Variants in CELF2 observed in about 807,000 individuals in gnomAD.
CELF2 encodes CUGBP Elav-like family member 2, also known as CUG triplet repeat RNA-binding protein 2.
In CELF2, 8 loss-of-function variants were observed where a neutral mutation model predicts 62.6. That is an observed-to-expected ratio of 0.13 (90% CI 0.07 to 0.23). CELF2 has a LOEUF of 0.23. Among genes scored for constraint, CELF2 ranks in the 10% least tolerant of loss-of-function variants. The pLI, the probability that CELF2 is intolerant of heterozygous loss-of-function variation, is 1.00. For missense variants in CELF2, 333 were observed against 671.0 expected, an observed-to-expected ratio of 0.50 and a Z score of 5.56; for synonymous variants, 258 against 250.0, an observed-to-expected ratio of 1.03 and a Z score of -0.30.
chr10:11,075,591 G>C lies in CELF2; in HGVS notation c.74+57428G>C, dbSNP rs1311026873. On this transcript the variant is annotated intron_variant, in intron 1 of 12. Coordinates refer to ENST00000633077, the MANE Select transcript of CELF2 (RefSeq NM_001326342.2). This position sits in a 1 kb window ranked among gnomAD's most constrained non-coding sequence, Gnocchi z 5.4. The stretch of plus-strand genomic sequence containing the variant: ...TGTAAATTAAGTGGATTATTGCTGT[G>C]AACATACGTATGGACTTAAATGTCC... Among the ~76,000 whole-genome samples the C allele has an allele frequency of 6.6e-6, 1 of 152,144 alleles. No individual in the cohort carries two copies. Among genetic ancestry groups the C allele is most frequent in the African/African-American group, 2.4e-5 (1 of 41,424 alleles).
At chr10:10,927,896 ATTG>A (rs1032592642) in intron 2 of CELF2, among the ~76,000 whole-genome samples, 2 of 152,148 alleles carry the variant, frequency 1.3e-5, no homozygotes, top group Admixed American at 1.3e-4. Flanking sequence ...CCATCAAAAT[ATTG>A]TTTTTTTCAT....
chr10:10,570,735 G>A, the CELF2 span, among the ~76,000 whole-genome samples: 1 of 152,032 alleles, frequency 6.6e-6, no homozygotes, highest in South Asian at 2.1e-4. Flanking sequence ...AAATTTACCT[G>A]GAACATTGAT....
At chr10:10,822,740 G>A (rs964390650) in intron 1 of CELF2, among the ~76,000 whole-genome samples, 5 of 152,224 alleles carry the variant, frequency 3.3e-5, no homozygotes, top group Non-Finnish European at 7.3e-5. Flanking sequence ...GAGGAAGGGG[G>A]AGAAGGAGAG....
the CELF2 span, among the ~76,000 whole-genome samples, chr10:10,736,078 A>G: frequency 6.6e-6 from 1 of 152,200 alleles, no homozygotes; most frequent in Non-Finnish European, 1.5e-5. Flanking sequence ...TTTATTGAGT[A>G]CCCAGTCTAG....
At chr10:10,622,574 G>A in the CELF2 span, among the ~76,000 whole-genome samples, 3 of 152,080 alleles carry the variant, frequency 2.0e-5, no homozygotes, top group Non-Finnish European at 4.4e-5. Context: ...AGGATTGCTT[G>A]AGCCCAGGAG....
chr10:11,142,577 G>T (rs765062852), intron 1 of CELF2, among the ~76,000 whole-genome samples: 2 of 151,714 alleles, frequency 1.3e-5, no homozygotes, highest in South Asian at 4.2e-4. Context: ...CCAGCTACTC[G>T]GGAGGCTGAG....
At chr10:11,294,772 G>A (rs989284602) in intron 9 of CELF2, among the ~76,000 whole-genome samples, 2 of 152,218 alleles carry the variant, frequency 1.3e-5, no homozygotes, top group Non-Finnish European at 1.5e-5. Context: ...TTAGCCAGGC[G>A]CAGTGGCAGG....
intron 1 of CELF2, among the ~76,000 whole-genome samples, chr10:11,042,846 A>G (rs1044145852): frequency 6.6e-6 from 1 of 152,128 alleles, no homozygotes; most frequent in East Asian, 1.9e-4. Context: ...TTGGAGATTT[A>G]TCCATGTTAC....
intron 1 of CELF2, among the ~76,000 whole-genome samples, chr10:11,022,118 C>T (rs1284700829): frequency 6.6e-6 from 1 of 152,132 alleles, no homozygotes; most frequent in Non-Finnish European, 1.5e-5. Flanking sequence ...CATTTATCAC[C>T]TGATACTCTG....
chr10:10,836,818 A>G (rs1489154140), intron 1 of CELF2, among the ~76,000 whole-genome samples: 3 of 151,870 alleles, frequency 2.0e-5, no homozygotes, highest in Non-Finnish European at 4.4e-5. Context: ...TGTATTTTTA[A>G]TAGAGATGGG....
intron 1 of CELF2, among the ~76,000 whole-genome samples, chr10:10,867,204 G>A (rs1385605902): frequency 6.6e-6 from 1 of 152,156 alleles, no homozygotes; most frequent in Non-Finnish European, 1.5e-5. Context: ...CTACCAACAT[G>A]ATGTCACTGA....
intron 1 of CELF2, among the ~76,000 whole-genome samples, chr10:11,090,406 G>T (rs533643291): frequency 1.3e-5 from 2 of 151,992 alleles, no homozygotes; most frequent in Non-Finnish European, 2.9e-5. Context: ...TGGATATGCT[G>T]CTTTTATGTA....
chr10:11,102,819 T>C (rs1025832648), intron 1 of CELF2, among the ~76,000 whole-genome samples: 7 of 152,158 alleles, frequency 4.6e-5, no homozygotes, highest in Non-Finnish European at 2.9e-5. Context: ...CCTCACTCCT[T>C]TTTCTCTCTC....
At chr10:11,228,382 A>T (rs1289661864) in intron 3 of CELF2, among the ~76,000 whole-genome samples, 2 of 152,226 alleles carry the variant, frequency 1.3e-5, no homozygotes, top group Non-Finnish European at 2.9e-5. Flanking sequence ...TTGCCTTTTC[A>T]ACTAGAAGCC....
the CELF2 span, among the ~76,000 whole-genome samples, chr10:10,752,435 A>C: frequency 1.3e-5 from 2 of 152,148 alleles, no homozygotes; most frequent in African/African-American, 4.8e-5. Context: ...TCACGCCTGT[A>C]ATCCCAGCAC....
the CELF2 span, chr10:10,786,898 G>GACATAC: frequency 1.3e-5 from 2 of 149,888 alleles, no homozygotes; most frequent in Admixed American, 1.3e-4. Context: ...CACACACGTA[G>GACATAC]ACACACACAC....
At chr10:10,759,685 C>T in the CELF2 span, among the ~76,000 whole-genome samples, 4 of 152,036 alleles carry the variant, frequency 2.6e-5, no homozygotes, top group African/African-American at 9.7e-5. Context: ...CCTAACAACA[C>T]ATAGGAGAAT....
At chr10:10,956,947 AAG>A (rs2048972477) in intron 2 of CELF2, among the ~76,000 whole-genome samples, 1 of 151,808 alleles carries the variant, frequency 6.6e-6, no homozygotes, top group South Asian at 2.1e-4. Flanking sequence ...AAAAAAAAAA[AAG>A]AAAAAAAAGT....
chr10:11,179,437 C>T (rs755499437), intron 2 of CELF2, among the ~76,000 whole-genome samples: 18 of 152,178 alleles, frequency 1.2e-4, no homozygotes, highest in Non-Finnish European at 2.5e-4. Context: ...CTGAAATTTG[C>T]GTGCCTAGCT....
Sources: gnomAD v4.1 joint callset for allele counts (sites outside exome capture counted in the v4.1 genomes callset) on GRCh38, gnomAD v4.1.1 for gene constraint, Gnocchi (gnomAD v3.1) non-coding constraint, MANE v1.5 for transcripts, NCBI Gene and HGNC (gene_info 2026-07-23, HGNC 2026-07-21) for gene names.